ZBTB16: variants seen among roughly 807,000 people sequenced by gnomAD.
The protein encoded by ZBTB16 is zinc finger and BTB domain-containing protein 16.
Under a neutral mutation model 56.8 loss-of-function variants are expected in ZBTB16, and 8 were observed. The ratio of observed to expected loss-of-function variants is 0.14; its 90% CI spans 0.08 to 0.25. The LOEUF (loss-of-function observed/expected upper bound fraction) is 0.25, where lower values mean the gene tolerates loss of function less well. Ranked by LOEUF, ZBTB16 falls within the 10% of genes least tolerant of loss-of-function variation. The probability of loss-of-function intolerance (pLI) is 1.00; values close to 1 mark genes in which losing one functional copy is unlikely to be tolerated. For synonymous variants in ZBTB16, 363 were observed against 368.5 expected (o/e 0.98, Z 0.17); for missense variants, 625 against 903.0 (o/e 0.69, Z 3.95).
chr11:114,113,794 A>T (rs988342431), intron 2 of ZBTB16, among the ~76,000 whole-genome samples: 2 of 152,176 alleles, frequency 1.3e-5, no homozygotes, highest in Non-Finnish European at 2.9e-5. Context: ...AATCAATTCT[A>T]TGGAGGTTAT....
At chr11:114,104,373 A>G (rs534480113) in intron 2 of ZBTB16, among the ~76,000 whole-genome samples, 2 of 152,306 alleles carry the variant, frequency 1.3e-5, no homozygotes, top group African/African-American at 4.8e-5. Flanking sequence ...GAAATACATC[A>G]GTCTTCACTC....
At chr11:114,197,455 G>T (rs1943635564) in intron 4 of ZBTB16, among the ~76,000 whole-genome samples, 1 of 151,726 alleles carries the variant, frequency 6.6e-6, no homozygotes, top group Non-Finnish European at 1.5e-5. Flanking sequence ...CTCTCTCTTT[G>T]TCTCTCTCTC....
chr11:114,195,778 G>C (rs7106340), intron 4 of ZBTB16, among the ~76,000 whole-genome samples: 3 of 152,006 alleles, frequency 2.0e-5, no homozygotes, highest in Non-Finnish European at 4.4e-5. Flanking sequence ...CATCATCCTG[G>C]TCTTCCTCAG....
At chr11:114,242,359 G>A (rs765710222) in intron 5 of ZBTB16, 22 bp downstream of exon 5, 1 of 1,611,794 alleles carries the variant, frequency 6.2e-7, no homozygotes, top group East Asian at 2.2e-5. Flanking sequence ...CAGCTGATGG[G>A]TGGATCTGGG....
At chr11:114,154,993 T>C (rs1408718477) in intron 2 of ZBTB16, among the ~76,000 whole-genome samples, 1 of 152,068 alleles carries the variant, frequency 6.6e-6, no homozygotes, top group Non-Finnish European at 1.5e-5. Context: ...ATTCTGGGAC[T>C]TGGAAGGGTG....
chr11:114,066,768 A>AT (rs11371325), intron 2 of ZBTB16, among the ~76,000 whole-genome samples: 46,568 of 111,154 alleles, frequency 0.42, 10,248 homozygotes, highest in East Asian at 0.52. Flanking sequence ...CACTCACTAC[A>AT]TTTTTTTTTT....
chr11:114,125,829 C>A (rs77855459), intron 2 of ZBTB16, among the ~76,000 whole-genome samples: 12,362 of 152,086 alleles, frequency 0.081, 587 homozygotes, highest in Middle Eastern at 0.16. Context: ...CCTACTTGAC[C>A]CCCATAAAGG....
rs901412019 is a variant in ZBTB16 at position 114,252,715 on chromosome 11, G to A, written c.*2160G>A. On this transcript the variant is annotated 3_prime_UTR_variant, in exon 7 of 7. Coordinates refer to ENST00000335953, the MANE Select transcript of ZBTB16 (RefSeq NM_006006.6). The stretch of plus-strand genomic sequence containing the variant: ...GTTTTACAAAGTGGTTTAGGGAAGC[G>A]GTTTTGGGGAGAAGGATCACGAGGA... Among the ~76,000 whole-genome samples, 8 of 152,124 alleles carry A rather than the reference G, an allele frequency of 5.3e-5. No individual in the cohort carries two copies. Among genetic ancestry groups the A allele is most frequent in the Admixed American group, 2.0e-4 (3 of 15,274 alleles).
chr11:114,075,629 GTA>G (rs10526570), intron 2 of ZBTB16, among the ~76,000 whole-genome samples: 139 of 141,050 alleles, frequency 9.9e-4, no homozygotes, highest in African/African-American at 1.5e-3. Context: ...GCTAATTTTT[GTA>G]TATATATATA....
intron 3 of ZBTB16, among the ~76,000 whole-genome samples, chr11:114,181,159 A>G (rs1233826197): frequency 6.6e-6 from 1 of 152,230 alleles, no homozygotes; most frequent in Admixed American, 6.5e-5. Flanking sequence ...ATCCAATTCC[A>G]GTAAAATCAG....
chr11:114,085,194 A>T (rs1362416847), intron 2 of ZBTB16, among the ~76,000 whole-genome samples: 1 of 152,198 alleles, frequency 6.6e-6, no homozygotes, highest in Admixed American at 6.5e-5. Flanking sequence ...GGACAAACGT[A>T]CCTCAAACCA....
At chr11:114,185,966 G>T (rs1943351370) in intron 3 of ZBTB16, among the ~76,000 whole-genome samples, 1 of 152,178 alleles carries the variant, frequency 6.6e-6, no homozygotes, top group South Asian at 2.1e-4. Context: ...TTTCCAGTGT[G>T]TGTCAGGCAG....
chr11:114,233,538 G>A (rs934709672), intron 4 of ZBTB16, among the ~76,000 whole-genome samples: 7 of 152,008 alleles, frequency 4.6e-5, no homozygotes, highest in African/African-American at 7.2e-5. Flanking sequence ...AGCCCAGTAC[G>A]AAAATGCAGA....
intron 2 of ZBTB16, among the ~76,000 whole-genome samples, chr11:114,142,787 G>C (rs1941990702): frequency 6.6e-6 from 1 of 152,030 alleles, no homozygotes; most frequent in East Asian, 1.9e-4. Context: ...GATTGTGGAG[G>C]AGAAAGCTTT....
At chr11:114,091,628 CCCTTCCTT>C (rs747168846) in intron 2 of ZBTB16, among the ~76,000 whole-genome samples, 3 of 140,208 alleles carry the variant, frequency 2.1e-5, no homozygotes, top group African/African-American at 7.8e-5. Context: ...CTCCCTTCCT[CCCTTCCTT>C]CCTTCTGCTT....
chr11:114,235,791 C>CT (rs576028880), intron 4 of ZBTB16, among the ~76,000 whole-genome samples: 1,741 of 115,274 alleles, frequency 0.015, 39 homozygotes, highest in African/African-American at 0.034. Flanking sequence ...CTTCCTTCTC[C>CT]TTTTTTTTTT....
At chr11:114,247,109 A>G in intron 5 of ZBTB16, 89 bp from the exon 6 acceptor site, 1 of 1,587,364 alleles carries the variant, frequency 6.3e-7, no homozygotes, top group Non-Finnish European at 8.6e-7. Flanking sequence ...AGGCCGTCGC[A>G]TCCTTCTCAT....
At chr11:114,106,882 A>G (rs7101720) in intron 2 of ZBTB16, among the ~76,000 whole-genome samples, 10,460 of 152,162 alleles carry the variant, frequency 0.069, 1,169 homozygotes, top group African/African-American at 0.24. Context: ...TTATTTTGTA[A>G]TGGAAGTTCC....
intron 4 of ZBTB16, among the ~76,000 whole-genome samples, chr11:114,204,287 C>T (rs903551600): frequency 1.3e-5 from 2 of 152,000 alleles, no homozygotes; most frequent in Non-Finnish European, 2.9e-5. Flanking sequence ...CACAGGCATG[C>T]ACCACCATGC....
Sources: gnomAD v4.1 joint callset for allele counts (sites outside exome capture counted in the v4.1 genomes callset) on GRCh38, gnomAD v4.1.1 for gene constraint, MANE v1.5 for transcripts, NCBI Gene and HGNC (gene_info 2026-07-23, HGNC 2026-07-21) for gene names.